Variants in CACNA1A observed in about 807,000 individuals in gnomAD.
CACNA1A encodes the protein calcium voltage-gated channel subunit alpha1 A.
A neutral mutation model predicts 262.4 loss-of-function variants in CACNA1A; 57 were observed. The ratio of observed to expected loss-of-function variants is 0.22; its 90% confidence interval spans 0.18 to 0.27. The LOEUF (loss-of-function observed/expected upper bound fraction) is 0.27. Ranked by LOEUF, CACNA1A falls within the 10% of genes least tolerant of loss-of-function variation. The pLI is 1.00. For synonymous variants in CACNA1A, 1,431 were observed against 1,419.3 expected (o/e 1.01, Z -0.18); for missense variants, 2,526 against 3,562.8 (o/e 0.71, Z 7.41).
chr19:13,248,150 C>G (rs1038865027), intron 30 of CACNA1A, among the ~76,000 whole-genome samples: 8 of 152,114 alleles, frequency 5.3e-5, no homozygotes, highest in African/African-American at 1.7e-4. Context: ...ATCCTTGTCT[C>G]AGGCTCTGCT....
In CACNA1A at chr19:13,287,803, C is replaced by CTTT. The variant is rs34542703; in HGVS notation, c.3090-840_3090-838dup. Among the ~76,000 whole-genome samples the CTTT allele has an allele frequency of 4.1e-3, 546 of 133,468 alleles. 4 individuals are homozygous for CTTT. The highest frequency in any genetic ancestry group is 7.8e-3 in the Middle Eastern group (2 of 258). 87.6% of individuals were successfully genotyped at this position (133,468 alleles called of 152,430 possible). ...AGGTGTGAGCCACTGCACCTGGCCT[C>CTTT]TTTTTTTTTTTTTTTTTCAGACAGG... is the stretch of plus-strand genomic sequence containing the variant. On this transcript the variant is annotated intron_variant, in intron 19 of 46. Transcript: ENST00000360228.
rs1243000403 is a variant in CACNA1A at position 13,206,880 on chromosome 19, A to C, written c.*433T>G. On this transcript the variant is annotated 3_prime_UTR_variant, in exon 47 of 47. Transcript: ENST00000360228. ...TCTTCATCAGGGAAAGGAAAGATTCAATTGAGATGATAAAACTCATCAATA... is the reference window on the plus strand; with the variant it reads ...TCTTCATCAGGGAAAGGAAAGATTCCATTGAGATGATAAAACTCATCAATA... The C allele has an allele frequency of 6.5e-6, 1 of 152,926 alleles. No individual in the cohort carries two copies. The highest frequency in any genetic ancestry group is 1.9e-4 in the East Asian group (1 of 5,148). 9.5% of individuals were successfully genotyped at this position (152,926 alleles called of 1,614,324 possible).
intron 30 of CACNA1A, 25 bp downstream of exon 30, chr19:13,252,966 G>C (rs746111298): frequency 1.2e-5 from 18 of 1,486,180 alleles, no homozygotes; most frequent in Non-Finnish European, 1.7e-5. Context: ...CAAGCCCATA[G>C]CTGTAGCCCC....
intron 3 of CACNA1A, among the ~76,000 whole-genome samples, chr19:13,378,760 C>A (rs944541332): frequency 2.6e-5 from 4 of 151,714 alleles, no homozygotes; most frequent in African/African-American, 9.7e-5. Context: ...CCCCGCCTCC[C>A]AGGTTCAAGC....
chr19:13,337,644 T>C (rs4926269), intron 6 of CACNA1A, among the ~76,000 whole-genome samples: 100,717 of 151,618 alleles, frequency 0.66, 33,681 homozygotes, highest in Admixed American at 0.75. Context: ...GGTGAGACAA[T>C]AAAACCCATA....
chr19:13,245,120 C>T, intron 31 of CACNA1A, 62 bp downstream of exon 31: 1 of 1,315,750 alleles, frequency 7.6e-7, no homozygotes, highest in Admixed American at 1.7e-5. Context: ...CGCTCCCCCG[C>T]CCCCTGCCGC....
chr19:13,330,245 C>A lies in CACNA1A; in HGVS notation c.1344G>T (p.Val448=). Residue 448 remains valine, a splice_region_variant and synonymous_variant, in exon 10 of 47, where the codon GTG becomes GTT. Transcript: ENST00000360228. The part of the protein sequence containing the change: ...AEDQLADIAS[V]GSPFARASIK... ...TAGGTGGCAGAGGAAGGGACTCACC[C>A]ACAGAGGCTATATCAGCCAGCTGAT... 1 of 1,553,576 alleles carries A rather than the reference C, an allele frequency of 6.4e-7. No individual in the cohort carries two copies. The highest frequency in any genetic ancestry group is 2.4e-5 in the East Asian group (1 of 41,368).
At chr19:13,492,410 C>T (rs577035163) in intron 1 of CACNA1A, among the ~76,000 whole-genome samples, 1 of 152,276 alleles carries the variant, frequency 6.6e-6, no homozygotes, top group African/African-American at 2.4e-5. Context: ...GGAGGGCAAG[C>T]CTGATTGGGC....
Position 13,212,668 on chromosome 19 carries a change from C to T in CACNA1A, c.6013G>A (p.Ala2005Thr), listed in dbSNP as rs374063403. 2.2e-5 allele frequency: 33 copies of T among 1,512,660 alleles called. No individual in the cohort carries two copies. In the East Asian group the frequency reaches 4.4e-4, roughly 20 times the overall value. The allele number at this position is 1,512,660 out of a possible 1,614,324, so 93.7% of individuals were successfully genotyped here. ...PTQEGGPGQN[A>T]LPSTQLDPGG... is the part of the protein sequence containing the mutation. Reference sequence around the variant, plus strand: ...GGGTCCAGCTGGGTGGAGGGGAGGGCGTTCTGGCCAGGTCCCCCTTCCTGC... The same window carrying T: ...GGGTCCAGCTGGGTGGAGGGGAGGGTGTTCTGGCCAGGTCCCCCTTCCTGC... The change falls in exon 41 of 47, where the codon GCC becomes ACC. Residue 2005 changes from alanine (A) to threonine (T), a missense_variant. This residue lies in a region of CACNA1A where 929 missense variants were observed against 868.1 expected (regional missense o/e 1.07). Coordinates refer to ENST00000360228, the MANE Select transcript of CACNA1A (RefSeq NM_001127222.2). This position sits in a 1 kb window ranked among gnomAD's most constrained non-coding sequence, Gnocchi z 5.6.
intron 3 of CACNA1A, among the ~76,000 whole-genome samples, chr19:13,440,239 C>A (rs2060692430): frequency 6.6e-6 from 1 of 152,232 alleles, no homozygotes; most frequent in Admixed American, 6.5e-5. Context: ...GCTGGGATTA[C>A]AGGCGTGAGC....
chr19:13,214,728 T>C lies in CACNA1A; in HGVS notation c.5732-120A>G, dbSNP rs1224545032. The C allele has an allele frequency of 6.7e-6, 5 of 751,674 alleles. No individual in the cohort carries two copies. The highest frequency in any genetic ancestry group is 1.1e-5 in the Non-Finnish European group (5 of 445,840). 46.6% of individuals were successfully genotyped at this position (751,674 alleles called of 1,614,324 possible). On this transcript the variant is annotated intron_variant, in intron 38 of 46. Transcript: ENST00000360228. This position sits in a 1 kb window ranked among gnomAD's most constrained non-coding sequence, Gnocchi z 4.1. ...CCCAATCTTTCTGGTCCCCATGGGG[T>C]CTCCAGTTCCCCAACGGCCTGGCCC...
chr19:13,341,082 A>C (rs532922347), intron 6 of CACNA1A, among the ~76,000 whole-genome samples: 1 of 152,166 alleles, frequency 6.6e-6, no homozygotes, highest in African/African-American at 2.4e-5. Flanking sequence ...TAAAATAAAG[A>C]AACAAACAAA....
intron 5 of CACNA1A, among the ~76,000 whole-genome samples, chr19:13,360,206 G>T (rs1048907328): frequency 2.0e-5 from 3 of 149,564 alleles, no homozygotes; most frequent in African/African-American, 7.3e-5. Context: ...TGACCTATGG[G>T]TAATTTAGAT....
chr19:13,331,259 C>G (rs1056816763), intron 9 of CACNA1A, among the ~76,000 whole-genome samples: 1 of 151,938 alleles, frequency 6.6e-6, no homozygotes, highest in Admixed American at 6.6e-5. Flanking sequence ...TTTTTTGAGA[C>G]AGAGTCTTGC....
At chr19:13,475,689 A>T (rs996748728) in intron 1 of CACNA1A, among the ~76,000 whole-genome samples, 1 of 152,228 alleles carries the variant, frequency 6.6e-6, no homozygotes, top group Admixed American at 6.5e-5. Flanking sequence ...TAAATGGTCC[A>T]TGTCTTTTTG....
intron 1 of CACNA1A, among the ~76,000 whole-genome samples, chr19:13,471,451 TC>T (rs1230398696): frequency 2.2e-4 from 34 of 152,020 alleles, no homozygotes; most frequent in African/African-American, 7.7e-4. Flanking sequence ...TACATCTTCC[TC>T]CCCCTACAGC....
intron 28 of CACNA1A, 64 bp downstream of exon 28, chr19:13,257,286 T>C: frequency 1.5e-6 from 2 of 1,340,930 alleles, no homozygotes; most frequent in African/African-American, 1.4e-5. Flanking sequence ...CTGGGTGTTG[T>C]GTGTGTTTTA....
chr19:13,456,660 C>T (rs1177074707), intron 1 of CACNA1A, among the ~76,000 whole-genome samples: 5 of 151,974 alleles, frequency 3.3e-5, no homozygotes, highest in African/African-American at 9.6e-5. Context: ...GGCGACAGAG[C>T]GAGACTCTGT....
intron 34 of CACNA1A, among the ~76,000 whole-genome samples, chr19:13,233,444 T>C (rs2055743698): frequency 6.6e-6 from 1 of 152,226 alleles, no homozygotes; most frequent in African/African-American, 2.4e-5. Context: ...ATTATGCAAC[T>C]ATCACCACTA....
Sources: gnomAD v4.1 joint callset for allele counts (sites outside exome capture counted in the v4.1 genomes callset) on GRCh38, gnomAD v4.1.1 for gene constraint, gnomAD v4.1.1 regional missense constraint, Gnocchi (gnomAD v3.1) non-coding constraint, MANE v1.5 for transcripts, NCBI Gene and HGNC (gene_info 2026-07-23, HGNC 2026-07-21) for gene names.